SH3GL3: variants seen among roughly 807,000 people sequenced by gnomAD.
SH3GL3 encodes the protein SH3 domain containing GRB2 like 3, endophilin A3, also known as endophilin-A3.
Under a neutral mutation model 47.7 loss-of-function variants are expected in SH3GL3, and 33 were observed. The ratio of observed to expected loss-of-function variants is 0.69; its 90% confidence interval spans 0.52 to 0.92. The LOEUF (loss-of-function observed/expected upper bound fraction) is 0.92, where lower values mean the gene tolerates loss of function less well. Among genes scored for constraint, SH3GL3 ranks in the 40% least tolerant of loss-of-function variants. SH3GL3 has a pLI of 0.00. For missense variants in SH3GL3, 363 were observed against 417.8 expected (o/e 0.87, Z 1.14); for synonymous variants, 155 against 148.8 (o/e 1.04, Z -0.30).
chr15:83,618,959 T>C (rs1051134486), downstream of SH3GL3, among the ~76,000 whole-genome samples: 5 of 152,194 alleles, frequency 3.3e-5, no homozygotes, highest in African/African-American at 1.2e-4. Context: ...AGTTTATTTA[T>C]AAAAGACCCC....
intron 2 of SH3GL3, among the ~76,000 whole-genome samples, chr15:83,563,879 C>A (rs1038017052): frequency 6.6e-6 from 1 of 152,166 alleles, no homozygotes; most frequent in African/African-American, 2.4e-5. Flanking sequence ...CTCAGGTGAT[C>A]CACCTGCCTC....
At chr15:83,462,293 A>T (rs2040339309) in intron 1 of SH3GL3, among the ~76,000 whole-genome samples, 1 of 152,220 alleles carries the variant, frequency 6.6e-6, no homozygotes, top group Non-Finnish European at 1.5e-5. Context: ...TGAGATTCTT[A>T]CCCCTTGTAA....
chr15:83,531,855 A>G (rs892789348), intron 1 of SH3GL3, among the ~76,000 whole-genome samples: 3 of 151,244 alleles, frequency 2.0e-5, no homozygotes, highest in Non-Finnish European at 3.0e-5. Flanking sequence ...AGAGAGAGAC[A>G]GAATGAGAGA....
chr15:83,621,065 G>A (rs1451361605), downstream of SH3GL3, among the ~76,000 whole-genome samples: 4 of 152,126 alleles, frequency 2.6e-5, no homozygotes, highest in African/African-American at 7.2e-5. Context: ...TCTCAACTCT[G>A]GATTAGGCTT....
the SH3GL3 span, among the ~76,000 whole-genome samples, chr15:83,627,322 G>T: frequency 5.3e-5 from 8 of 151,624 alleles, no homozygotes; most frequent in Non-Finnish European, 1.2e-4. Flanking sequence ...GGTTGAACCC[G>T]GGAGGCAGAG....
chr15:83,501,561 G>A (rs151053625), intron 1 of SH3GL3, among the ~76,000 whole-genome samples: 94 of 152,226 alleles, frequency 6.2e-4, no homozygotes, highest in Middle Eastern at 6.8e-3. Flanking sequence ...TCAGTTACTC[G>A]TCCTACACAT....
At chr15:83,527,642 T>C (rs910791039) in intron 1 of SH3GL3, among the ~76,000 whole-genome samples, 5 of 152,202 alleles carry the variant, frequency 3.3e-5, no homozygotes, top group African/African-American at 1.2e-4. Flanking sequence ...TGGCATATAG[T>C]TGGCTAATGT....
chr15:83,555,678 A>T (rs2044915533), intron 1 of SH3GL3, among the ~76,000 whole-genome samples: 1 of 151,468 alleles, frequency 6.6e-6, no homozygotes, highest in Non-Finnish European at 1.5e-5. Flanking sequence ...AGGGGTTTAC[A>T]TCTGAATTTT....
At chr15:83,609,087 A>G (rs76851398) in intron 8 of SH3GL3, among the ~76,000 whole-genome samples, 3,493 of 152,314 alleles carry the variant, frequency 0.023, 62 homozygotes, top group Middle Eastern at 0.044. Flanking sequence ...GGCTCAGTTC[A>G]TACCTTTGGG....
intron 1 of SH3GL3, among the ~76,000 whole-genome samples, chr15:83,546,133 T>A (rs1444210965): frequency 6.6e-6 from 1 of 152,146 alleles, no homozygotes; most frequent in Non-Finnish European, 1.5e-5. Context: ...GATTTCCTTC[T>A]GGCCCAGGGT....
chr15:83,633,752 T>C, the SH3GL3 span, among the ~76,000 whole-genome samples: 1 of 152,174 alleles, frequency 6.6e-6, no homozygotes, highest in East Asian at 1.9e-4. Flanking sequence ...GTGTTTCCCT[T>C]AAATCTGGAA....
chr15:83,524,022 A>C (rs189359819), intron 1 of SH3GL3, among the ~76,000 whole-genome samples: 6 of 151,778 alleles, frequency 4.0e-5, no homozygotes, highest in East Asian at 1.9e-4. Context: ...TGGTAATACT[A>C]TACAGATGAT....
At chr15:83,580,998 C>T (rs563656377) in intron 6 of SH3GL3, among the ~76,000 whole-genome samples, 1 of 152,200 alleles carries the variant, frequency 6.6e-6, no homozygotes, top group African/African-American at 2.4e-5. Context: ...GCTTGGTGCT[C>T]TTGTGCTACC....
chr15:83,623,409 T>C (rs112713144), downstream of SH3GL3, among the ~76,000 whole-genome samples: 510 of 152,232 alleles, frequency 3.4e-3, 1 homozygote, highest in African/African-American at 0.012. Context: ...GGTCTGGAGG[T>C]TGGCTGGGCT....
intron 1 of SH3GL3, among the ~76,000 whole-genome samples, chr15:83,498,633 A>G (rs969348124): frequency 1.5e-4 from 23 of 151,996 alleles, no homozygotes; most frequent in African/African-American, 4.1e-4. Flanking sequence ...AGATCTGTCA[A>G]TCTCTCTCTG....
At chr15:83,508,081 A>G (rs2151622923) in intron 1 of SH3GL3, among the ~76,000 whole-genome samples, 1 of 152,012 alleles carries the variant, frequency 6.6e-6, no homozygotes, top group East Asian at 2.0e-4. Context: ...AGCTGGGACT[A>G]CAGGTGCGCA....
chr15:83,471,711 A>C (rs969672395), intron 1 of SH3GL3, among the ~76,000 whole-genome samples: 2 of 152,144 alleles, frequency 1.3e-5, no homozygotes, highest in East Asian at 1.9e-4. Context: ...AACTTGATTA[A>C]ATTTGTCTAC....
chr15:83,585,361 C>A (rs2059928643), intron 6 of SH3GL3, among the ~76,000 whole-genome samples: 1 of 152,078 alleles, frequency 6.6e-6, no homozygotes, highest in Non-Finnish European at 1.5e-5. Context: ...CCTTCCTGTT[C>A]CCCAACCCCA....
chr15:83,464,762 G>T (rs944221673), intron 1 of SH3GL3, among the ~76,000 whole-genome samples: 3 of 151,958 alleles, frequency 2.0e-5, no homozygotes, highest in Non-Finnish European at 4.4e-5. Flanking sequence ...CTATCACCTT[G>T]GTCCTGGCCA....
Sources: allele counts gnomAD v4.1 joint callset (sites outside exome capture counted in the v4.1 genomes callset), GRCh38; gene constraint gnomAD v4.1.1; transcripts MANE v1.5; gene names NCBI Gene and HGNC (gene_info 2026-07-23, HGNC 2026-07-21).